Variants in NAGA observed in about 807,000 individuals in gnomAD.
NAGA encodes the protein Acetylgalactosaminidase, alpha-N- (alpha-galactosidase B).
NAGA carries 42 observed loss-of-function variants against 45.6 expected under a neutral mutation model. That is an observed-to-expected ratio of 0.92 (90% confidence interval 0.72 to 1.19). The LOEUF (loss-of-function observed/expected upper bound fraction) is 1.19, where lower values mean the gene tolerates loss of function less well. NAGA is among the 50% of genes most tolerant of loss of function. NAGA has a pLI of 0.00. For missense variants in NAGA, 493 were observed against 544.8 expected (o/e 0.90, Z 0.95); for synonymous variants, 176 against 203.1 (o/e 0.87, Z 1.13).
rs545476351 is a variant in NAGA, at chr22:42,065,824, C to G, written c.673G>C (p.Val225Leu). 2 of 1,614,122 alleles carry G rather than the reference C, an allele frequency of 1.2e-6. No individual in the cohort carries two copies. The highest frequency in any genetic ancestry group is 2.2e-5 in the South Asian group (2 of 91,074). Residue 225 changes from valine (V) to leucine (L), a missense_variant, in exon 6 of 9, where the codon GTG becomes CTG. By Grantham distance (32) the Val-to-Leu change is conservative. Transcript: ENST00000396398. ...YDDIQDSWWS[V>L]LSILNWFVEH... ...ACGAACCAATTCAGGATGGAGAGCA[C>G]GCTCCACCAGGAGTCCTGGATGTCA...
chr22:42,069,943 C>T (rs1926956732), intron 1 of NAGA, among the ~76,000 whole-genome samples: 1 of 152,192 alleles, frequency 6.6e-6, no homozygotes, highest in Admixed American at 6.5e-5. Flanking sequence ...GGATGGGCAC[C>T]CAATCAGCTC....
intron 3 of NAGA, among the ~76,000 whole-genome samples, 179 bp from the exon 4 acceptor site, chr22:42,067,469 C>T (rs1926810012): frequency 6.6e-6 from 1 of 152,232 alleles, no homozygotes; most frequent in Non-Finnish European, 1.5e-5. Context: ...ACACACCTCC[C>T]AGCGGCTGTT....
At chr22:42,064,355 A>G (rs1860262320) in intron 6 of NAGA, among the ~76,000 whole-genome samples, 1 of 145,600 alleles carries the variant, frequency 6.9e-6, no homozygotes, top group Non-Finnish European at 1.5e-5. Context: ...TAAATAAATA[A>G]ATAGGCTGGG....
chr22:42,060,121 GC>G lies in NAGA; in HGVS notation c.*157del, dbSNP rs1480434000. 1 of 957,664 alleles carries G rather than the reference GC, an allele frequency of 1.0e-6. No individual in the cohort carries two copies. The highest frequency in any genetic ancestry group is 1.8e-5 in the Admixed American group (1 of 54,110). The allele number at this position is 957,664 out of a possible 1,614,324, so 59.3% of individuals were successfully genotyped here. A position where few individuals can be genotyped will look rare whatever the true frequency, so the allele number is the denominator to read the frequency against. ...CCAAGAGGGTTTACGCTTGGACAGG[GC>G]ATAGAACCTGGCCGTGAGATTGCAC... On this transcript the variant is annotated 3_prime_UTR_variant, in exon 9 of 9. Transcript: ENST00000396398.
intron 7 of NAGA, 121 bp downstream of exon 7, chr22:42,062,706 G>T: frequency 1.8e-6 from 2 of 1,121,082 alleles, no homozygotes; most frequent in Non-Finnish European, 2.7e-6. Flanking sequence ...GGGTAGCCCT[G>T]GTTGGGGACT....
At position 42,065,942 on chromosome 22, in the gene NAGA, C is replaced by T. The variant is rs774436195; in HGVS notation, c.598-43G>A. ...GGCAGAGTCCAGCACCAGAATCACA[C>T]GCTGCAGCCCAGGGACCCACACAGG... On this transcript the variant is annotated intron_variant, in intron 5 of 8. Coordinates refer to ENST00000396398, the MANE Select transcript of NAGA (RefSeq NM_000262.3). 37 of 1,605,698 alleles carry T rather than the reference C, an allele frequency of 2.3e-5. 1 individual carries two copies. The highest frequency in any genetic ancestry group is 1.1e-4 in the African/African-American group (8 of 74,650).
At chr22:42,063,665 C>T (rs1374488354) in intron 6 of NAGA, among the ~76,000 whole-genome samples, 1 of 152,246 alleles carries the variant, frequency 6.6e-6, no homozygotes, top group Non-Finnish European at 1.5e-5. Flanking sequence ...ACATGGACCC[C>T]TTAAAGTTGT....
intron 7 of NAGA, 126 bp downstream of exon 7, chr22:42,062,701 G>T: frequency 9.6e-7 from 1 of 1,040,732 alleles, no homozygotes; most frequent in Non-Finnish European, 1.5e-6. Context: ...AGAAGGGGTA[G>T]CCCTGGTTGG....
At chr22:42,065,395 G>A (rs979335335) in intron 6 of NAGA, among the ~76,000 whole-genome samples, 6 of 152,158 alleles carry the variant, frequency 3.9e-5, no homozygotes, top group Non-Finnish European at 8.8e-5. Context: ...AGCAGTCCAG[G>A]CACTAGGAAT....
At chr22:42,064,062 C>G (rs1926566724) in intron 6 of NAGA, among the ~76,000 whole-genome samples, 1 of 151,144 alleles carries the variant, frequency 6.6e-6, no homozygotes, top group Non-Finnish European at 1.5e-5. Flanking sequence ...AACAAAAGGC[C>G]AGGCGCGGTG....
chr22:42,066,860 C>T (rs1266906659), intron 4 of NAGA, 56 bp from the exon 5 acceptor site: 10 of 1,534,440 alleles, frequency 6.5e-6, no homozygotes, highest in Non-Finnish European at 7.1e-6. Flanking sequence ...CAGTCTGGGG[C>T]CTTAGCCCAG....
In NAGA at chr22:42,065,889, C is replaced by T. The variant is rs771519843; in HGVS notation, c.608G>A (p.Ser203Asn). The T allele has an allele frequency of 3.1e-6, 5 of 1,613,972 alleles. No individual in the cohort carries two copies. The highest frequency in any genetic ancestry group is 1.1e-5 in the South Asian group (1 of 91,078). ...GAGGTTGCAGATGTCCGCCAGCAGA[C>T]TGTAGTTCACCTGGATGTCGAGGGG... ...EGGLPPRVNY[S>N]LLADICNLWR... The change falls in exon 6 of 9, where the codon AGT (serine) becomes AAT (asparagine). Residue 203 changes from serine to asparagine, a missense_variant. Coordinates refer to ENST00000396398, the MANE Select transcript of NAGA (RefSeq NM_000262.3).
rs1334618207 is a variant in NAGA at position 42,060,585 on chromosome 22, A to G, written c.1102-172T>C. Among the ~76,000 whole-genome samples, 5 of 152,034 alleles carry G rather than the reference A, an allele frequency of 3.3e-5. No individual in the cohort carries two copies. In the East Asian group the frequency reaches 9.7e-4, roughly 29 times the overall value. On this transcript the variant is annotated intron_variant, in intron 8 of 8. Transcript: ENST00000396398. The stretch of plus-strand genomic sequence containing the variant: ...ATCCCCATCACTTCTCCACCAGCAA[A>G]TCCAGCAGGTGCCCAAGCACGGGCA...
At chr22:42,065,978 G>A (rs901807718) in intron 5 of NAGA, 79 bp from the exon 6 acceptor site, 1 of 1,542,184 alleles carries the variant, frequency 6.5e-7, no homozygotes, top group Non-Finnish European at 8.8e-7. Flanking sequence ...AGTTGAGGAG[G>A]CTCAGCAGGA....
Position 42,063,041 on chromosome 22 carries a change from G to C in NAGA, c.760-17C>G, listed in dbSNP as rs776889125. On this transcript the variant is annotated splice_polypyrimidine_tract_variant and intron_variant, in intron 6 of 8. Coordinates refer to ENST00000396398, the MANE Select transcript of NAGA (RefSeq NM_000262.3). ...AATGAGCAGCTGGGGGCAGAGAAGAGGAGTAGTCAGCTCTCATCTCCTCAA... is the reference window on the plus strand; with the variant it reads ...AATGAGCAGCTGGGGGCAGAGAAGACGAGTAGTCAGCTCTCATCTCCTCAA... 5 of 1,612,066 alleles carry C rather than the reference G, an allele frequency of 3.1e-6. No individual in the cohort carries two copies. Among genetic ancestry groups the C allele is most frequent in the Non-Finnish European group, 4.2e-6 (5 of 1,178,898 alleles).
intron 2 of NAGA, among the ~76,000 whole-genome samples, 154 bp from the exon 3 acceptor site, chr22:42,068,090 G>A (rs143363909): frequency 2.0e-5 from 3 of 152,296 alleles, no homozygotes; most frequent in East Asian, 1.9e-4. Context: ...GAGATTGTGC[G>A]ATGAGCCATA....
Position 42,067,790 on chromosome 22 carries a change from T to C in NAGA, c.299A>G (p.His100Arg). 1.2e-6 allele frequency: 2 copies of C among 1,612,374 alleles called. No homozygotes were observed. The highest frequency in any genetic ancestry group is 2.2e-5 in the East Asian group (1 of 44,836). ...RLMPDPKRFP[H>R]GIPFLADYVH... ...GTAGTCAGCCAGGAAAGGAATGCCATGAGGGAAGCGCTTGGGATCCGGCAT... is the reference window on the plus strand; with the variant it reads ...GTAGTCAGCCAGGAAAGGAATGCCACGAGGGAAGCGCTTGGGATCCGGCAT... Residue 100 changes from histidine to arginine, a missense_variant, in exon 3 of 9, where the codon CAT becomes CGT. By Grantham distance (29) the His-to-Arg change is conservative (BLOSUM62 0). Transcript: ENST00000396398.
At position 42,059,068 on chromosome 22, in the gene NAGA, A is replaced by T. The variant is rs1466585438; in HGVS notation, c.*1211T>A. 6.6e-6 allele frequency: 1 copy of T among 152,264 alleles called. No individual in the cohort carries two copies. Among genetic ancestry groups the T allele is most frequent in the Non-Finnish European group, 1.5e-5 (1 of 68,052 alleles). 9.4% of individuals were successfully genotyped at this position (152,264 alleles called of 1,614,324 possible). On this transcript the variant is annotated 3_prime_UTR_variant, in exon 9 of 9. Transcript: ENST00000396398. Reference sequence around the variant, plus strand: ...CCTGAGGAGTATGGGAGATCCACCCAGAAAATACTCCTTGGGCAGCACAGT... The same window carrying T: ...CCTGAGGAGTATGGGAGATCCACCCTGAAAATACTCCTTGGGCAGCACAGT...
intron 5 of NAGA, among the ~76,000 whole-genome samples, chr22:42,066,159 G>A (rs996386679): frequency 2.0e-5 from 3 of 152,198 alleles, no homozygotes; most frequent in Non-Finnish European, 2.9e-5. Flanking sequence ...AACCCAGGGT[G>A]TGGGCCCAGG....
Sources: allele counts gnomAD v4.1 joint callset (sites outside exome capture counted in the v4.1 genomes callset), GRCh38; gene constraint gnomAD v4.1.1; transcripts MANE v1.5; gene names NCBI Gene and HGNC (gene_info 2026-07-23, HGNC 2026-07-21).